PDE1C: variants seen among roughly 807,000 people sequenced by gnomAD.
The protein encoded by PDE1C is phosphodiesterase 1C, also known as dual specificity calcium/calmodulin-dependent 3',5'-cyclic nucleotide phosphodiesterase 1C.
A neutral mutation model predicts 93.1 loss-of-function variants in PDE1C; 62 were observed. The ratio of observed to expected loss-of-function variants is 0.67; its 90% CI spans 0.54 to 0.82. PDE1C has a LOEUF of 0.82. PDE1C is among the 40% of genes least tolerant of loss of function. The pLI is 0.00. For missense variants in PDE1C, 742 were observed against 884.6 expected, an observed-to-expected ratio of 0.84 and a Z score of 2.04; for synonymous variants, 325 against 310.1, an observed-to-expected ratio of 1.05 and a Z score of -0.50.
At chr7:32,139,420 T>G (rs972747108) in intron 3 of PDE1C, among the ~76,000 whole-genome samples, 1 of 147,428 alleles carries the variant, frequency 6.8e-6, no homozygotes, top group Non-Finnish European at 1.5e-5. Context: ...GTGAAGAGAA[T>G]GAACCAAACA....
At chr7:31,693,878 T>C in the PDE1C span, among the ~76,000 whole-genome samples, 11 of 152,236 alleles carry the variant, frequency 7.2e-5, no homozygotes, top group African/African-American at 2.4e-4. Context: ...CCAATTACTC[T>C]TTTAAAATTT....
chr7:32,376,930 G>T (rs1251443194), intron 1 of PDE1C, among the ~76,000 whole-genome samples: 1 of 152,036 alleles, frequency 6.6e-6, no homozygotes, highest in African/African-American at 2.4e-5. Context: ...CTCATCATCC[G>T]CCAGCCTCGG....
chr7:32,395,044 C>T (rs549603241), intron 1 of PDE1C, among the ~76,000 whole-genome samples: 1 of 152,148 alleles, frequency 6.6e-6, no homozygotes, highest in Non-Finnish European at 1.5e-5. Context: ...ATTACCCAGC[C>T]TCAGGTATTC....
chr7:31,841,227 C>CTCTCTCTCTCTA (rs751320538), intron 9 of PDE1C, among the ~76,000 whole-genome samples: 8,587 of 142,148 alleles, frequency 0.06, 266 homozygotes, highest in Middle Eastern at 0.086. Flanking sequence ...CTCTCTCTCT[C>CTCTCTCTCTCTA]TATATATATA....
At chr7:31,939,230 A>AGG (rs1563068122) in intron 2 of PDE1C, among the ~76,000 whole-genome samples, 10 of 151,598 alleles carry the variant, frequency 6.6e-5, no homozygotes, top group African/African-American at 2.4e-4. Flanking sequence ...GAAGAAGAAG[A>AGG]AGGAGGAGGA....
At chr7:31,916,092 G>T (rs1801869255) in intron 2 of PDE1C, among the ~76,000 whole-genome samples, 1 of 152,152 alleles carries the variant, frequency 6.6e-6, no homozygotes, top group African/African-American at 2.4e-5. Flanking sequence ...CCTCAGAGGA[G>T]AAGTGTGAGG....
At chr7:31,770,543 G>T (rs947361020) in intron 17 of PDE1C, among the ~76,000 whole-genome samples, 1 of 151,698 alleles carries the variant, frequency 6.6e-6, no homozygotes, top group Non-Finnish European at 1.5e-5. Context: ...ACGGAGTCTC[G>T]CTCTGTTGCC....
At chr7:32,225,289 C>G (rs1807176466) in intron 1 of PDE1C, among the ~76,000 whole-genome samples, 1 of 152,030 alleles carries the variant, frequency 6.6e-6, no homozygotes, top group South Asian at 2.1e-4. Flanking sequence ...CTTTTCGTCT[C>G]CCTTTGTATA....
intron 2 of PDE1C, among the ~76,000 whole-genome samples, chr7:31,918,599 G>C (rs956033607): frequency 7.9e-5 from 12 of 152,232 alleles, no homozygotes; most frequent in African/African-American, 2.9e-4. Context: ...GCACAAATGA[G>C]CTTCCCTCTT....
At chr7:32,131,516 C>G (rs1799919167) in intron 3 of PDE1C, among the ~76,000 whole-genome samples, 1 of 152,114 alleles carries the variant, frequency 6.6e-6, no homozygotes, top group African/African-American at 2.4e-5. Flanking sequence ...AATAATGAAT[C>G]AGTGACCCTT....
chr7:31,895,857 G>GC (rs1167444625), intron 2 of PDE1C, among the ~76,000 whole-genome samples: 1 of 151,946 alleles, frequency 6.6e-6, no homozygotes, highest in Non-Finnish European at 1.5e-5. Flanking sequence ...CTCCTCTTTT[G>GC]CCTTCTGCCA....
Position 32,353,873 on chromosome 7 carries a change from C to G in PDE1C, c.310+73949G>C, listed in dbSNP as rs754105046. Among the ~76,000 whole-genome samples, 54 of 152,176 alleles carry G rather than the reference C, an allele frequency of 3.5e-4. 1 individual carries two copies. Among genetic ancestry groups the G allele is most frequent in the Non-Finnish European group, 1.6e-4 (11 of 68,032 alleles). ...ACTTCCTCACTCCCAGTGTACCCAA[C>G]TGAATATCATGACATCAATACAATC... is the stretch of plus-strand genomic sequence containing the variant. On this transcript the variant is annotated intron_variant, in intron 1 of 1. Transcript: ENST00000672256.
intron 1 of PDE1C, among the ~76,000 whole-genome samples, chr7:32,414,843 G>T (rs1292899677): frequency 8.8e-6 from 1 of 113,492 alleles, no homozygotes; most frequent in Admixed American, 8.2e-5. Flanking sequence ...AAAAAAAAAA[G>T]CCTGTAAAAA....
chr7:31,944,494 C>T (rs1195523279), intron 2 of PDE1C, among the ~76,000 whole-genome samples: 1 of 152,184 alleles, frequency 6.6e-6, no homozygotes, highest in East Asian at 1.9e-4. Context: ...TGCACCTCAC[C>T]TAACCAACAA....
At chr7:32,383,672 G>A (rs200841048) in intron 1 of PDE1C, among the ~76,000 whole-genome samples, 1 of 124,000 alleles carries the variant, frequency 8.1e-6, no homozygotes, top group Non-Finnish European at 1.8e-5. Flanking sequence ...TGGATGCATG[G>A]ATGGATGGAA....
chr7:31,671,310 A>T, the PDE1C span, among the ~76,000 whole-genome samples: 1 of 152,096 alleles, frequency 6.6e-6, no homozygotes, highest in South Asian at 2.1e-4. Context: ...TCCTGATGGC[A>T]CCCAAAAGTG....
chr7:32,217,189 G>C (rs1254085552), intron 1 of PDE1C, among the ~76,000 whole-genome samples: 1 of 152,214 alleles, frequency 6.6e-6, no homozygotes, highest in Non-Finnish European at 1.5e-5. Flanking sequence ...CAAGGAAATA[G>C]AATCTAGAAT....
chr7:31,624,300 G>C, the PDE1C span, among the ~76,000 whole-genome samples: 1 of 143,138 alleles, frequency 7.0e-6, no homozygotes, highest in African/African-American at 2.6e-5. Flanking sequence ...CCAAAAAAGA[G>C]CCCGCATCAC....
intron 16 of PDE1C, among the ~76,000 whole-genome samples, chr7:31,775,961 A>G (rs10951303): frequency 0.18 from 27,465 of 152,044 alleles, 2,594 homozygotes; most frequent in Non-Finnish European, 0.2. Flanking sequence ...GAAGGTTGAT[A>G]TGTTGGGACC....
Sources: gnomAD v4.1 joint callset for allele counts (sites outside exome capture counted in the v4.1 genomes callset) on GRCh38, gnomAD v4.1.1 for gene constraint, MANE v1.5 for transcripts, NCBI Gene and HGNC (gene_info 2026-07-23, HGNC 2026-07-21) for gene names.